LUZP2: variants seen among roughly 807,000 people sequenced by gnomAD.
LUZP2 encodes the protein leucine zipper protein 2.
LUZP2 carries 52 observed loss-of-function variants against 51.6 expected under a neutral mutation model. The ratio of observed to expected loss-of-function variants is 1.01; its 90% CI spans 0.81 to 1.27. The LOEUF (loss-of-function observed/expected upper bound fraction) is 1.27, where lower values mean the gene tolerates loss of function less well. LUZP2 is among the 50% of genes most tolerant of loss of function. The pLI is 0.00. For synonymous variants in LUZP2, 154 were observed against 137.3 expected, an observed-to-expected ratio of 1.12 and a Z score of -0.85; for missense variants, 436 against 395.4, an observed-to-expected ratio of 1.10 and a Z score of -0.87.
At chr11:24,931,383 G>T (rs1590746190) in intron 7 of LUZP2, among the ~76,000 whole-genome samples, 1 of 152,044 alleles carries the variant, frequency 6.6e-6, no homozygotes, top group Non-Finnish European at 1.5e-5. Flanking sequence ...GGGATGGGTT[G>T]CCCCTCCACA....
At chr11:24,848,665 C>A (rs1851283550) in intron 5 of LUZP2, among the ~76,000 whole-genome samples, 1 of 152,140 alleles carries the variant, frequency 6.6e-6, no homozygotes. Context: ...ACTGCTCCAT[C>A]TTTGGCCTAT....
intron 7 of LUZP2, among the ~76,000 whole-genome samples, chr11:24,974,191 C>T (rs1368103495): frequency 6.6e-6 from 1 of 151,814 alleles, no homozygotes; most frequent in African/African-American, 2.4e-5. Flanking sequence ...TATGTAATGC[C>T]CTTCTTTATC....
At chr11:24,693,059 C>A (rs992174481) in intron 1 of LUZP2, among the ~76,000 whole-genome samples, 12 of 151,704 alleles carry the variant, frequency 7.9e-5, no homozygotes. Flanking sequence ...TGCTACCATA[C>A]CAGGTACCAT....
At chr11:24,548,827 A>G (rs1851637821) in intron 1 of LUZP2, among the ~76,000 whole-genome samples, 1 of 152,068 alleles carries the variant, frequency 6.6e-6, no homozygotes, top group Non-Finnish European at 1.5e-5. Flanking sequence ...AATGCCCAAA[A>G]TTAAATATCA....
At chr11:25,044,257 GTATATATATA>G (rs1235208041) in intron 9 of LUZP2, among the ~76,000 whole-genome samples, 4 of 60,786 alleles carry the variant, frequency 6.6e-5, no homozygotes, top group African/African-American at 2.2e-4. Context: ...GTGTGTGTGT[GTATATATATA>G]TATATATATA....
chr11:24,627,494 A>G (rs973598826), intron 1 of LUZP2, among the ~76,000 whole-genome samples: 3 of 152,188 alleles, frequency 2.0e-5, no homozygotes, highest in East Asian at 1.9e-4. Flanking sequence ...TTTTAAAGAA[A>G]TCAGGTATTT....
intron 10 of LUZP2, among the ~76,000 whole-genome samples, chr11:25,058,551 A>G (rs1441968832): frequency 6.6e-6 from 1 of 152,152 alleles, no homozygotes; most frequent in African/African-American, 2.4e-5. Flanking sequence ...GGATGAATGT[A>G]TTTTGTCTTT....
At chr11:24,909,707 C>A (rs1853567480) in intron 6 of LUZP2, among the ~76,000 whole-genome samples, 3 of 152,066 alleles carry the variant, frequency 2.0e-5, no homozygotes, top group African/African-American at 4.8e-5. Context: ...AGAGGGCCTC[C>A]CCAGCCATGT....
At chr11:24,570,617 G>C (rs963405190) in intron 1 of LUZP2, among the ~76,000 whole-genome samples, 1 of 151,924 alleles carries the variant, frequency 6.6e-6, no homozygotes, top group Non-Finnish European at 1.5e-5. Flanking sequence ...CTTCAGCAAC[G>C]GCTTTAATAA....
At chr11:25,017,661 TATTGC>T (rs1463307003) in intron 9 of LUZP2, among the ~76,000 whole-genome samples, 1 of 152,198 alleles carries the variant, frequency 6.6e-6, no homozygotes, top group Non-Finnish European at 1.5e-5. Flanking sequence ...ACTATAGCCT[TATTGC>T]ATAATTTCAA....
intron 9 of LUZP2, among the ~76,000 whole-genome samples, chr11:25,040,480 A>G (rs985848121): frequency 2.0e-5 from 3 of 151,822 alleles, no homozygotes; most frequent in African/African-American, 7.3e-5. Flanking sequence ...GAAAATCACA[A>G]TACCTATTAA....
intron 5 of LUZP2, among the ~76,000 whole-genome samples, chr11:24,787,159 C>T (rs990783846): frequency 1.2e-4 from 18 of 152,100 alleles, no homozygotes; most frequent in Admixed American, 6.6e-4. Context: ...GGACAATTAA[C>T]TTCTTTAATT....
At chr11:24,899,735 T>G (rs1008744400) in intron 5 of LUZP2, among the ~76,000 whole-genome samples, 1 of 152,138 alleles carries the variant, frequency 6.6e-6, no homozygotes, top group African/African-American at 2.4e-5. Flanking sequence ...GGGGCAATCC[T>G]TTATTCTAAA....
intron 9 of LUZP2, among the ~76,000 whole-genome samples, chr11:25,006,970 A>T (rs1026652121): frequency 2.6e-5 from 4 of 152,116 alleles, no homozygotes; most frequent in African/African-American, 9.7e-5. Context: ...CATCCTGCTG[A>T]TTGGTCCATT....
chr11:24,777,283 G>A (rs561902931), intron 5 of LUZP2, among the ~76,000 whole-genome samples: 2 of 152,130 alleles, frequency 1.3e-5, no homozygotes, highest in East Asian at 1.9e-4. Flanking sequence ...TTGAGCCACC[G>A]CGCCCGGCCT....
At chr11:25,019,062 G>T (rs926334097) in intron 9 of LUZP2, among the ~76,000 whole-genome samples, 1 of 152,164 alleles carries the variant, frequency 6.6e-6, no homozygotes, top group African/African-American at 2.4e-5. Flanking sequence ...TGGCACATTT[G>T]TTGCACTCAA....
chr11:24,826,190 A>AAAATATATAT (rs1215786412), intron 5 of LUZP2, among the ~76,000 whole-genome samples: 18,901 of 66,198 alleles, frequency 0.29, 4,251 homozygotes, highest in East Asian at 0.38. Flanking sequence ...AAAAAAAAAA[A>AAAATATATAT]ATATATATAT....
intron 4 of LUZP2, among the ~76,000 whole-genome samples, chr11:24,748,017 C>T (rs1859442587): frequency 6.6e-6 from 1 of 152,128 alleles, no homozygotes; most frequent in African/African-American, 2.4e-5. Flanking sequence ...TTGTTCTTCC[C>T]CTTCCTGTGG....
At chr11:24,505,773 C>A (rs1357260157) in intron 1 of LUZP2, among the ~76,000 whole-genome samples, 1 of 151,836 alleles carries the variant, frequency 6.6e-6, no homozygotes, top group Non-Finnish European at 1.5e-5. Flanking sequence ...TTATCTTAAC[C>A]AATTCCAGTT....
Sources: allele counts gnomAD v4.1 joint callset (sites outside exome capture counted in the v4.1 genomes callset), GRCh38; gene constraint gnomAD v4.1.1; transcripts MANE v1.5; gene names NCBI Gene and HGNC (gene_info 2026-07-23, HGNC 2026-07-21).